Variants in GAMT observed in about 807,000 individuals in gnomAD.
The protein encoded by GAMT is guanidinoacetate N-methyltransferase, also known as epididymis secretory protein Li 20.
A neutral mutation model predicts 26.9 loss-of-function variants in GAMT; 26 were observed. That is an observed-to-expected ratio of 0.97 (90% CI 0.71 to 1.34). GAMT has a LOEUF of 1.34. Ranked by LOEUF, GAMT falls within the 40% of genes most tolerant of loss-of-function variation. GAMT has a pLI of 0.00. For missense variants in GAMT, 412 were observed against 345.0 expected (o/e 1.19, Z -1.54); for synonymous variants, 169 against 149.6 (o/e 1.13, Z -0.95).
Position 1,398,050 on chromosome 19 carries a change from G to C in GAMT, c.571-551C>G, listed in dbSNP as rs963415961. 4.0e-6 allele frequency: 4 copies of C among 1,001,652 alleles called. No homozygotes were observed. In the East Asian group the frequency reaches 4.3e-4, roughly 107 times the overall value. 62.0% of individuals were successfully genotyped at this position (1,001,652 alleles called of 1,614,324 possible). The stretch of plus-strand genomic sequence containing the variant: ...TTAGGCTGAACCACAGGGCACTGGG[G>C]AGCCATGGGAGGTTGTTGAGCTGGT... On this transcript the variant is annotated intron_variant, in intron 5 of 5. Transcript: ENST00000252288.
intron 5 of GAMT, chr19:1,398,129 G>C: frequency 8.1e-6 from 8 of 982,482 alleles, no homozygotes; most frequent in African/African-American, 1.8e-5. Flanking sequence ...ATGGAGTCTC[G>C]GTCTGTTGCC....
rs1457809990 is a variant in GAMT, at chr19:1,397,351, G to A, written c.*8C>T. 5 of 1,608,714 alleles carry A rather than the reference G, an allele frequency of 3.1e-6. No individual in the cohort carries two copies. The highest frequency in any genetic ancestry group is 1.3e-5 in the African/African-American group (1 of 74,900). On this transcript the variant is annotated 3_prime_UTR_variant, in exon 6 of 6. Transcript: ENST00000252288. Reference sequence around the variant, plus strand: ...AGGGCATGGGTGTGGCCGGGCCGGGGTGGGGGCTCAGCCTTTGGTCACCAG... The same window carrying A: ...AGGGCATGGGTGTGGCCGGGCCGGGATGGGGGCTCAGCCTTTGGTCACCAG...
At chr19:1,400,663 G>A (rs2082628736) in intron 1 of GAMT, among the ~76,000 whole-genome samples, 1 of 152,204 alleles carries the variant, frequency 6.6e-6, no homozygotes, top group Non-Finnish European at 1.5e-5. Context: ...TATCTGGGAG[G>A]GGAAGGACTG....
intron 1 of GAMT, among the ~76,000 whole-genome samples, chr19:1,400,702 C>T (rs1042542603): frequency 2.6e-5 from 4 of 152,218 alleles, no homozygotes; most frequent in Admixed American, 1.3e-4. Flanking sequence ...ATGGGCCCCC[C>T]GCTCAATCCT....
chr19:1,397,052 G>A lies in GAMT; in HGVS notation c.*307C>T, dbSNP rs1241754102. 1 of 395,220 alleles carries A rather than the reference G, an allele frequency of 2.5e-6. No homozygotes were observed. The highest frequency in any genetic ancestry group is 4.8e-5 in the East Asian group (1 of 20,646). 24.5% of individuals were successfully genotyped at this position (395,220 alleles called of 1,614,324 possible). A position where few individuals can be genotyped will look rare whatever the true frequency, so the allele number is the denominator to read the frequency against. On this transcript the variant is annotated 3_prime_UTR_variant, in exon 6 of 6. Transcript: ENST00000252288. ...TCCTGTGTCCATGGGATGGGCGGGA[G>A]GTGAGGGAGCAGCCGCTGGAAGTAA...
Position 1,399,604 on chromosome 19 carries a change from G to T in GAMT, c.328-17C>A, listed in dbSNP as rs368523554. 1.1e-5 allele frequency: 18 copies of T among 1,609,698 alleles called. No individual in the cohort carries two copies. Among genetic ancestry groups the T allele is most frequent in the Non-Finnish European group, 1.4e-5 (17 of 1,178,254 alleles). Reference sequence around the variant, plus strand: ...GGGGATGACCTTGCAGAGGGGAAAAGAAAAAGAGAGGACAGGGTAGAGAGG... The same window carrying T: ...GGGGATGACCTTGCAGAGGGGAAAATAAAAAGAGAGGACAGGGTAGAGAGG... On this transcript the variant is annotated splice_polypyrimidine_tract_variant and intron_variant, in intron 2 of 5. Coordinates refer to ENST00000252288, the MANE Select transcript of GAMT (RefSeq NM_000156.6). The surrounding 1 kb of genome is among the most constrained non-coding windows in gnomAD (Gnocchi z 6.2).
chr19:1,398,472 G>T, intron 5 of GAMT: 1 of 472,482 alleles, frequency 2.1e-6, no homozygotes, highest in Non-Finnish European at 3.7e-6. Flanking sequence ...GTCTGGCTCT[G>T]TTACCCAGGC....
chr19:1,401,283 G>A lies in GAMT; in HGVS notation c.181+13C>T. On this transcript the variant is annotated intron_variant, in intron 1 of 5. Transcript: ENST00000252288. ...TGCGCCCCCGGGGGCGGTGCAGGCC[G>A]GGCGGGGGCTACCTTTGGAGGAGGC... 6.8e-7 allele frequency: 1 copy of A among 1,478,238 alleles called. No homozygotes were observed. The highest frequency in any genetic ancestry group is 1.3e-5 in the South Asian group (1 of 76,540). 91.6% of individuals were successfully genotyped at this position (1,478,238 alleles called of 1,614,324 possible). A position where few individuals can be genotyped will look rare whatever the true frequency, so the allele number is the denominator to read the frequency against.
intron 5 of GAMT, chr19:1,398,182 C>T: frequency 1.5e-6 from 1 of 672,926 alleles, no homozygotes; most frequent in Non-Finnish European, 1.8e-6. Context: ...ACAGCAACCT[C>T]CGCCTCCCAT....
chr19:1,399,294 G>A lies in GAMT; in HGVS notation c.392-99C>T, dbSNP rs961686970. 32 of 1,363,608 alleles carry A rather than the reference G, an allele frequency of 2.3e-5. No individual in the cohort carries two copies. Among genetic ancestry groups the A allele is most frequent in the Non-Finnish European group, 2.8e-5 (27 of 956,556 alleles). 84.5% of individuals were successfully genotyped at this position (1,363,608 alleles called of 1,614,324 possible). A position where few individuals can be genotyped will look rare whatever the true frequency, so the allele number is the denominator to read the frequency against. ...CCAGCGGGTGGAGGTGCAGTGAGAC[G>A]GGGCCGTGGGTAGAGGTGGGGCTCC... is the stretch of plus-strand genomic sequence containing the variant. On this transcript the variant is annotated intron_variant, in intron 3 of 5. Transcript: ENST00000252288. The surrounding 1 kb of genome is among the most constrained non-coding windows in gnomAD (Gnocchi z 6.2).
In GAMT at chr19:1,399,664, G is replaced by T; in HGVS notation, c.328-77C>A. ...TCTCCCCACCTGCAGAAAGGGAGCG[G>T]CCAGGGGGACTCCCGAGAGAGAAGA... is the stretch of plus-strand genomic sequence containing the variant. On this transcript the variant is annotated intron_variant, in intron 2 of 5. Coordinates refer to ENST00000252288, the MANE Select transcript of GAMT (RefSeq NM_000156.6). The surrounding 1 kb of genome is among the most constrained non-coding windows in gnomAD (Gnocchi z 6.2). 6.5e-7 allele frequency: 1 copy of T among 1,534,732 alleles called. No individual in the cohort carries two copies.
Position 1,399,798 on chromosome 19 carries a change from G to T in GAMT, c.322C>A (p.His108Asn). 1 of 1,565,056 alleles carries T rather than the reference G, an allele frequency of 6.4e-7. No individual in the cohort carries two copies. Among genetic ancestry groups the T allele is most frequent in the East Asian group, 2.4e-5 (1 of 42,116 alleles). The change falls in exon 2 of 6, where the codon CAC becomes AAC. Residue 108 changes from histidine (H) to asparagine (N), a missense_variant. Coordinates refer to ENST00000252288, the MANE Select transcript of GAMT (RefSeq NM_000156.6). The surrounding 1 kb of genome is among the most constrained non-coding windows in gnomAD (Gnocchi z 6.2). ...GCCTGCGGGCAGAGGGGCACCTTGT[G>T]TGTCTGCCGTGGGGCCCAGTCCCGG... ...RLRDWAPRQT[H>N]KVIPLKGLWE...
chr19:1,401,266 C>G, intron 1 of GAMT, 30 bp downstream of exon 1: 1 of 1,416,574 alleles, frequency 7.1e-7, no homozygotes, highest in African/African-American at 1.5e-5. Flanking sequence ...CCTGCGCCCC[C>G]GGGGGCGGTG....
chr19:1,397,833 A>AT, intron 5 of GAMT: 1 of 1,182,572 alleles, frequency 8.5e-7, no homozygotes, highest in Non-Finnish European at 1.1e-6. Context: ...ACTAGTTCCC[A>AT]TTTTGGAAGA....
chr19:1,397,507 G>T lies in GAMT; in HGVS notation c.571-8C>A. The T allele has an allele frequency of 6.2e-7, 1 of 1,601,754 alleles. No individual in the cohort carries two copies. The highest frequency in any genetic ancestry group is 1.1e-5 in the South Asian group (1 of 91,068). ...CGCGGGCACCTGCGTCTCCTGGTCGGGGATGGCACCAGGTCACCTCTGAGG... is the reference window on the plus strand; with the variant it reads ...CGCGGGCACCTGCGTCTCCTGGTCGTGGATGGCACCAGGTCACCTCTGAGG... On this transcript the variant is annotated splice_region_variant and splice_polypyrimidine_tract_variant and intron_variant, in intron 5 of 5. Coordinates refer to ENST00000252288, the MANE Select transcript of GAMT (RefSeq NM_000156.6).
At position 1,399,487 on chromosome 19, in the gene GAMT, G is replaced by A. The variant is rs1354398898; in HGVS notation, c.391+37C>T. 1 of 1,585,962 alleles carries A rather than the reference G, an allele frequency of 6.3e-7. No homozygotes were observed. ...AAAGGAGGGGCTGCATTGGAGCTGG[G>A]GAGGCCCACCCTGTGATACGTCCCC... On this transcript the variant is annotated intron_variant, in intron 3 of 5. Coordinates refer to ENST00000252288, the MANE Select transcript of GAMT (RefSeq NM_000156.6). This position sits in a 1 kb window ranked among gnomAD's most constrained non-coding sequence, Gnocchi z 6.2.
chr19:1,399,622 T>A lies in GAMT; in HGVS notation c.328-35A>T, dbSNP rs768404036. The A allele has an allele frequency of 3.1e-6, 5 of 1,597,684 alleles. No homozygotes were observed. Among genetic ancestry groups the A allele is most frequent in the Admixed American group, 1.7e-5 (1 of 59,040 alleles). On this transcript the variant is annotated intron_variant, in intron 2 of 5. Transcript: ENST00000252288. This position sits in a 1 kb window ranked among gnomAD's most constrained non-coding sequence, Gnocchi z 6.2. ...GGGAAAAGAAAAAGAGAGGACAGGG[T>A]AGAGAGGTCCCCAGGATCTCCCCAC...
chr19:1,399,109 G>T lies in GAMT; in HGVS notation c.459+19C>A. 2 of 1,613,602 alleles carry T rather than the reference G, an allele frequency of 1.2e-6. No homozygotes were observed. Among genetic ancestry groups the T allele is most frequent in the Non-Finnish European group, 1.7e-6 (2 of 1,179,972 alleles). Reference sequence around the variant, plus strand: ...TTCCCCGAGGGCCTCCCGCATCCCAGCAAGTCAGAGAGAACCACCTTGATG... The same window carrying T: ...TTCCCCGAGGGCCTCCCGCATCCCATCAAGTCAGAGAGAACCACCTTGATG... On this transcript the variant is annotated intron_variant, in intron 4 of 5. Coordinates refer to ENST00000252288, the MANE Select transcript of GAMT (RefSeq NM_000156.6). This position sits in a 1 kb window ranked among gnomAD's most constrained non-coding sequence, Gnocchi z 6.2.
Position 1,399,188 on chromosome 19 carries a change from C to A in GAMT, c.399G>T (p.Leu133=), listed in dbSNP as rs2144636896. 1 of 1,613,628 alleles carries A rather than the reference C, an allele frequency of 6.2e-7. No individual in the cohort carries two copies. Among genetic ancestry groups the A allele is most frequent in the Non-Finnish European group, 8.5e-7 (1 of 1,180,016 alleles). The change falls in exon 4 of 6, where the codon CTG becomes CTT. Residue 133 remains leucine, a synonymous_variant. Coordinates refer to ENST00000252288, the MANE Select transcript of GAMT (RefSeq NM_000156.6). This position sits in a 1 kb window ranked among gnomAD's most constrained non-coding sequence, Gnocchi z 6.2. Reference sequence around the variant, plus strand: ...CCTCCGAGAGTGGGTACGTGTCGTACAGGATCCCTGCACGGAGAACAGAAG... The same window carrying A: ...CCTCCGAGAGTGGGTACGTGTCGTAAAGGATCCCTGCACGGAGAACAGAAG... The part of the protein sequence containing the change: ...TLPDGHFDGI[L]YDTYPLSEET...
Sources: gnomAD v4.1 joint callset for allele counts (sites outside exome capture counted in the v4.1 genomes callset) on GRCh38, gnomAD v4.1.1 for gene constraint, Gnocchi (gnomAD v3.1) non-coding constraint, MANE v1.5 for transcripts, NCBI Gene and HGNC (gene_info 2026-07-23, HGNC 2026-07-21) for gene names.